NUB1: variants seen among roughly 807,000 people sequenced by gnomAD.
NUB1 encodes the protein negative regulator of ubiquitin like proteins 1, also known as NEDD8 ultimate buster 1.
In NUB1, 41 loss-of-function variants were observed where a neutral mutation model predicts 77.1. The observed-to-expected ratio is 0.53, with a 90% CI of 0.41 to 0.69. NUB1 has a LOEUF of 0.69. Ranked by LOEUF, NUB1 falls within the 30% of genes least tolerant of loss-of-function variation. The pLI, the probability that NUB1 is intolerant of heterozygous loss-of-function variation, is 0.00. For synonymous variants in NUB1, 257 were observed against 281.0 expected (o/e 0.91, Z 0.85); for missense variants, 643 against 743.8 (o/e 0.86, Z 1.58).
rs1303944587 is a variant in NUB1, at chr7:151,377,146, C to A, written c.1769C>A (p.Thr590Asn). The change falls in exon 15 of 15, where the codon ACT becomes AAT. Residue 590 changes from threonine (T) to asparagine (N), a missense_variant. Thr to Asn is a moderately conservative substitution (Grantham distance 65, BLOSUM62 0). Transcript: ENST00000568733. ...CATGAGGAAGACTATCTTGACTCAA[C>A]TCTGGAAGATGAAGAAATTATTATT... ...PEHEEDYLDS[T>N]LEDEEIIIAE... 6.3e-7 allele frequency: 1 copy of A among 1,589,908 alleles called. No individual in the cohort carries two copies. Among genetic ancestry groups the A allele is most frequent in the Admixed American group, 1.8e-5 (1 of 56,230 alleles).
chr7:151,347,570 A>G (rs1796561694), intron 2 of NUB1, among the ~76,000 whole-genome samples: 1 of 151,982 alleles, frequency 6.6e-6, no homozygotes, highest in Admixed American at 6.6e-5. Context: ...TGATTCTCCC[A>G]CCTCAGCCTT....
intron 5 of NUB1, among the ~76,000 whole-genome samples, chr7:151,354,661 G>A (rs1338428069): frequency 6.6e-6 from 1 of 152,090 alleles, no homozygotes; most frequent in Non-Finnish European, 1.5e-5. Context: ...TCTAATTTAT[G>A]TATGAGGAAA....
chr7:151,358,460 C>T (rs908708385), intron 7 of NUB1, among the ~76,000 whole-genome samples: 7 of 152,290 alleles, frequency 4.6e-5, no homozygotes, highest in South Asian at 2.1e-4. Context: ...TGAGCGTCAC[C>T]GCCTGAGCTC....
intron 8 of NUB1, among the ~76,000 whole-genome samples, chr7:151,366,217 C>T (rs977511940): frequency 1.1e-4 from 17 of 152,278 alleles, no homozygotes; most frequent in East Asian, 7.7e-4. Context: ...CCTGCTGCCA[C>T]GAATACGGAG....
chr7:151,373,529 A>C (rs1359815627), intron 11 of NUB1, among the ~76,000 whole-genome samples: 1 of 152,114 alleles, frequency 6.6e-6, no homozygotes, highest in African/African-American at 2.4e-5. Context: ...GTCTCTGGGC[A>C]CTCTGTGGGT....
chr7:151,353,327 G>A (rs1318010623), intron 5 of NUB1, among the ~76,000 whole-genome samples: 1 of 152,102 alleles, frequency 6.6e-6, no homozygotes, highest in Non-Finnish European at 1.5e-5. Flanking sequence ...AATGAGGGGA[G>A]GGGAGTGCTT....
chr7:151,374,596 ATTGT>A (rs918212457), intron 12 of NUB1: 3 of 326,302 alleles, frequency 9.2e-6, no homozygotes, highest in East Asian at 6.0e-5. Context: ...TTGTAGTATA[ATTGT>A]TTGGCATTAA....
In NUB1 at chr7:151,365,314, CTCTCT is replaced by C. The variant is rs1301305818; in HGVS notation, c.801-1623_801-1619del. 1.6e-4 allele frequency among the ~76,000 whole-genome samples: 17 copies of C among 104,042 alleles called. 1 individual carries two copies. The highest frequency in any genetic ancestry group is 3.9e-4 in the Admixed American group (3 of 7,782). 68.3% of individuals were successfully genotyped at this position (104,042 alleles called of 152,430 possible). A position where few individuals can be genotyped will look rare whatever the true frequency, so the allele number is the denominator to read the frequency against. Reference sequence around the variant, plus strand: ...TTGTTCATTTTGTTGGTTTTCTTCTCTCTCTTTTTTTTTTTTTTGGCTGCACAAAT... The same window carrying C: ...TTGTTCATTTTGTTGGTTTTCTTCTCTTTTTTTTTTTTTGGCTGCACAAAT... On this transcript the variant is annotated intron_variant, in intron 8 of 14. Transcript: ENST00000568733.
chr7:151,370,165 C>G lies in NUB1; in HGVS notation c.1248+1278C>G, dbSNP rs141208416. On this transcript the variant is annotated intron_variant, in intron 11 of 14. Coordinates refer to ENST00000568733, the MANE Select transcript of NUB1 (RefSeq NM_001243351.2). The stretch of plus-strand genomic sequence containing the variant: ...CTGGAGTGCAGTGGCGTGATCACTG[C>G]AACCTCTGCCTCCCAGGTTCAAGTG... Among the ~76,000 whole-genome samples, 404 of 152,048 alleles carry G rather than the reference C, an allele frequency of 2.7e-3. 2 individuals are homozygous for G. The highest frequency in any genetic ancestry group is 0.01 in the Middle Eastern group (3 of 294).
At chr7:151,358,172 A>G (rs957199780) in intron 7 of NUB1, among the ~76,000 whole-genome samples, 13 of 151,244 alleles carry the variant, frequency 8.6e-5, no homozygotes, top group African/African-American at 2.4e-4. Flanking sequence ...ACGGGGTTTC[A>G]CCATGTTGGC....
chr7:151,377,931 A>G lies in NUB1; in HGVS notation c.*706A>G, dbSNP rs1798378921. On this transcript the variant is annotated 3_prime_UTR_variant, in exon 15 of 15. Coordinates refer to ENST00000568733, the MANE Select transcript of NUB1 (RefSeq NM_001243351.2). ...TTACAGAAATCTTCTATTGAATGGG[A>G]AAGGTTTAAATGCTAACCAAAGCAA... 6.6e-6 allele frequency: 1 copy of G among 152,248 alleles called. No homozygotes were observed. The highest frequency in any genetic ancestry group is 2.4e-5 in the African/African-American group (1 of 41,458). The allele number at this position is 152,248 out of a possible 1,614,324, so 9.4% of individuals were successfully genotyped here. A position where few individuals can be genotyped will look rare whatever the true frequency, so the allele number is the denominator to read the frequency against.
In NUB1 at chr7:151,378,379, G is replaced by C. The variant is rs372112556; in HGVS notation, c.*1154G>C. 1 of 152,214 alleles carries C rather than the reference G, an allele frequency of 6.6e-6. No individual in the cohort carries two copies. The highest frequency in any genetic ancestry group is 2.4e-5 in the African/African-American group (1 of 41,446). 9.4% of individuals were successfully genotyped at this position (152,214 alleles called of 1,614,324 possible). A position where few individuals can be genotyped will look rare whatever the true frequency, so the allele number is the denominator to read the frequency against. On this transcript the variant is annotated 3_prime_UTR_variant, in exon 15 of 15. Coordinates refer to ENST00000568733, the MANE Select transcript of NUB1 (RefSeq NM_001243351.2). ...GTGGGTGGTCCAGTTTGGACTGATG[G>C]GAATCTTCTTGTCATTCTTTTTAAA...
At chr7:151,351,979 G>T in intron 4 of NUB1, 2 of 400,890 alleles carry the variant, frequency 5.0e-6, no homozygotes, top group East Asian at 1.5e-4. Flanking sequence ...AGATCTGGTG[G>T]GTTATTTCAT....
chr7:151,370,716 C>T (rs1376247348), intron 11 of NUB1, among the ~76,000 whole-genome samples: 1 of 141,298 alleles, frequency 7.1e-6, no homozygotes, highest in East Asian at 2.1e-4. Context: ...ACAACAGTCC[C>T]CAGAGTGTGA....
At chr7:151,342,078 C>T in intron 1 of NUB1, 1 of 614,110 alleles carries the variant, frequency 1.6e-6, no homozygotes, top group Non-Finnish European at 2.4e-6. Context: ...CTGAGTTAGG[C>T]AGAGGTGTGG....
chr7:151,366,586 T>C (rs1485580728), intron 8 of NUB1, among the ~76,000 whole-genome samples: 3 of 152,198 alleles, frequency 2.0e-5, no homozygotes, highest in Non-Finnish European at 4.4e-5. Context: ...CAGTCAGGAT[T>C]GGAAGTCACA....
intron 13 of NUB1, chr7:151,376,372 G>C: frequency 1.9e-6 from 1 of 513,658 alleles, no homozygotes; most frequent in Non-Finnish European, 3.5e-6. Flanking sequence ...TGGTGAGGCT[G>C]GTGTGGCGCC....
At chr7:151,345,594 C>T in intron 2 of NUB1, 128 bp downstream of exon 2, 1 of 513,340 alleles carries the variant, frequency 1.9e-6, no homozygotes, top group African/African-American at 2.0e-5. Flanking sequence ...TGAGCGGGTA[C>T]CCACTTTTTA....
intron 2 of NUB1, among the ~76,000 whole-genome samples, chr7:151,346,758 A>G (rs967108761): frequency 6.6e-6 from 1 of 152,198 alleles, no homozygotes; most frequent in Non-Finnish European, 1.5e-5. Flanking sequence ...GGTTATTTGT[A>G]TCCTTTGTAA....
Sources: allele counts gnomAD v4.1 joint callset (sites outside exome capture counted in the v4.1 genomes callset), GRCh38; gene constraint gnomAD v4.1.1; transcripts MANE v1.5; gene names NCBI Gene and HGNC (gene_info 2026-07-23, HGNC 2026-07-21).